Variants in PCAT7 observed in about 807,000 individuals in gnomAD.
The protein encoded by PCAT7 is prostate cancer associated transcript 7 (non-protein coding).
intron 2 of PCAT7, chr9:94,567,468 C>CA: frequency 1.9e-6 from 3 of 1,595,208 alleles, no homozygotes; most frequent in Non-Finnish European, 1.7e-6. Flanking sequence ...GCCAACCGCA[C>CA]AATCCCCACA....
intron 2 of PCAT7, among the ~76,000 whole-genome samples, chr9:94,565,744 AG>A (rs1827177608): frequency 7.2e-6 from 1 of 138,396 alleles, no homozygotes; most frequent in African/African-American, 2.6e-5. Context: ...GATGATAGAT[AG>A]ATAGATAGAA....
chr9:94,558,897 G>A, intron 1 of PCAT7: 3 of 1,583,934 alleles, frequency 1.9e-6, no homozygotes, highest in Non-Finnish European at 2.6e-6. Context: ...CCTTAGACAA[G>A]GTGCAAGACA....
intron 1 of PCAT7, chr9:94,558,665 G>A (rs954135288): frequency 8.3e-5 from 32 of 384,470 alleles, no homozygotes; most frequent in Middle Eastern, 1.6e-3. Context: ...GTTGACAGAC[G>A]GAATTATAAC....
intron 2 of PCAT7, among the ~76,000 whole-genome samples, chr9:94,563,918 T>C (rs566833284): frequency 3.2e-4 from 48 of 152,278 alleles, no homozygotes; most frequent in Middle Eastern, 6.8e-3. Flanking sequence ...GGTAAAGGGC[T>C]CAATTCAACA....
intron 2 of PCAT7, among the ~76,000 whole-genome samples, chr9:94,562,449 C>A (rs770849982): frequency 6.6e-6 from 1 of 152,044 alleles, no homozygotes; most frequent in Non-Finnish European, 1.5e-5. Flanking sequence ...GGTGAATACA[C>A]CTGGGCTAAG....
chr9:94,555,669 G>GAA (rs1453618194), intron 1 of PCAT7, among the ~76,000 whole-genome samples: 1 of 151,596 alleles, frequency 6.6e-6, no homozygotes, highest in African/African-American at 2.4e-5. Context: ...AGGAGCAAAA[G>GAA]AAGATAGCAA....
At position 94,555,537 on chromosome 9, in the gene PCAT7, A is replaced by T. The variant is rs189869229; in HGVS notation, n.257+227A>T. On this transcript the variant is annotated intron_variant and non_coding_transcript_variant, in intron 1 of 8. Coordinates refer to ENST00000647389, the Ensembl canonical transcript of PCAT7. ...CGGTGGGTAGAAAGTTTATGGGTGG[A>T]TGAAGGGGGAAAAGAAGGTGGCAAT... Among the ~76,000 whole-genome samples the T allele has an allele frequency of 4.7e-5, 7 of 147,470 alleles. No individual in the cohort carries two copies. In the East Asian group the frequency reaches 1.5e-3, roughly 31 times the overall value.
In PCAT7 at chr9:94,558,254, G is replaced by T. The variant is rs79779369; in HGVS notation, n.258-715G>T. Among the ~76,000 whole-genome samples, 89 of 152,224 alleles carry T rather than the reference G, an allele frequency of 5.8e-4. 3 individuals are homozygous for T. In the East Asian group the frequency reaches 0.012, roughly 20 times the overall value. On this transcript the variant is annotated intron_variant and non_coding_transcript_variant, in intron 1 of 8. Coordinates refer to ENST00000647389, the Ensembl canonical transcript of PCAT7. ...TGTTTGAGGGAGGTAATCACTACAG[G>T]ATAAGACACTAGGTTCAAATTTCAA...
At position 94,571,809 on chromosome 9, in the gene PCAT7, C is replaced by T. The variant is rs149156858; in HGVS notation, n.442-1170C>T. Among the ~76,000 whole-genome samples, 50 of 151,886 alleles carry T rather than the reference C, an allele frequency of 3.3e-4. No individual in the cohort carries two copies. In the East Asian group the frequency reaches 7.3e-3, roughly 22 times the overall value. ...CATGGCAAAGGCCATTCTTGGACTTCTTCCTTCCTGTTTTCCAAACGCATG... is the reference window on the plus strand; with the variant it reads ...CATGGCAAAGGCCATTCTTGGACTTTTTCCTTCCTGTTTTCCAAACGCATG... On this transcript the variant is annotated intron_variant and non_coding_transcript_variant, in intron 2 of 8. Coordinates refer to ENST00000647389, the Ensembl canonical transcript of PCAT7.
intron 1 of PCAT7, among the ~76,000 whole-genome samples, chr9:94,556,946 C>T (rs965846153): frequency 2.0e-5 from 3 of 152,058 alleles, no homozygotes; most frequent in African/African-American, 7.2e-5. Flanking sequence ...TTGTCCTTCC[C>T]GAATGTGTGT....
At chr9:94,556,230 A>G (rs1827010811) in intron 1 of PCAT7, among the ~76,000 whole-genome samples, 1 of 149,748 alleles carries the variant, frequency 6.7e-6, no homozygotes, top group East Asian at 2.0e-4. Context: ...TGCTTATATG[A>G]AGGAGCAAAA....
chr9:94,555,102 A>G (rs1202493396), exon 1 of PCAT7: 1 of 152,382 alleles, frequency 6.6e-6, no homozygotes, highest in Non-Finnish European at 1.5e-5. Flanking sequence ...ATAATGCTGA[A>G]GCAGAGTTAC....
chr9:94,559,277 C>T (rs764162156), intron 2 of PCAT7: 20 of 683,792 alleles, frequency 2.9e-5, no homozygotes, highest in East Asian at 1.4e-4. Context: ...AGAGTGGGCC[C>T]GAGCTTTAGA....
chr9:94,558,818 T>G, intron 1 of PCAT7: 1 of 905,488 alleles, frequency 1.1e-6, no homozygotes, highest in Non-Finnish European at 1.8e-6. Context: ...TGCTCTTCTG[T>G]ATGTGATTAA....
chr9:94,558,770 G>T, intron 1 of PCAT7: 1 of 627,390 alleles, frequency 1.6e-6, no homozygotes, highest in Non-Finnish European at 2.8e-6. Context: ...CCATAGAATC[G>T]CCTGTGGCTT....
intron 2 of PCAT7, chr9:94,570,838 C>T (rs1011583093): frequency 6.6e-6 from 1 of 152,190 alleles, no homozygotes; most frequent in African/African-American, 2.4e-5. Flanking sequence ...TCCACAAGGG[C>T]TGTCATGTGT....
intron 2 of PCAT7, chr9:94,571,707 G>T: frequency 9.3e-7 from 1 of 1,069,598 alleles, no homozygotes. Context: ...AAGGAAGCGC[G>T]GTTCTTTGAA....
chr9:94,564,380 A>G (rs1289288022), intron 2 of PCAT7, among the ~76,000 whole-genome samples: 2 of 152,246 alleles, frequency 1.3e-5, no homozygotes, highest in African/African-American at 4.8e-5. Context: ...CTGCAACACT[A>G]TTCACAATAG....
rs550301259 is a variant in PCAT7 at position 94,559,819 on chromosome 9, C to G, written n.441+667C>G. 2.0e-5 allele frequency among the ~76,000 whole-genome samples: 3 copies of G among 152,234 alleles called. No individual in the cohort carries two copies. The East Asian group carries it at 5.8e-4, about 29-fold the overall frequency. Reference sequence around the variant, plus strand: ...CTGTCCATCCTAGCTGGTCACTGTACTATCTGTATTCTCAGTAGTGCCGAC... The same window carrying G: ...CTGTCCATCCTAGCTGGTCACTGTAGTATCTGTATTCTCAGTAGTGCCGAC... On this transcript the variant is annotated intron_variant and non_coding_transcript_variant, in intron 2 of 8. Coordinates refer to ENST00000647389, the Ensembl canonical transcript of PCAT7.
Sources: allele counts gnomAD v4.1 joint callset (sites outside exome capture counted in the v4.1 genomes callset), GRCh38; gene constraint gnomAD v4.1.1; transcripts MANE v1.5; gene names NCBI Gene and HGNC (gene_info 2026-07-23, HGNC 2026-07-21).